Variants in PSMA7 observed in about 807,000 individuals in gnomAD.
PSMA7 encodes proteasome 20S subunit alpha 7.
Under a neutral mutation model 31.3 loss-of-function variants are expected in PSMA7, and 5 were observed. The ratio of observed to expected loss-of-function variants is 0.16; its 90% confidence interval spans 0.08 to 0.34. The LOEUF (loss-of-function observed/expected upper bound fraction) is 0.34. PSMA7 is among the 10% of genes least tolerant of loss of function. PSMA7 has a pLI of 1.00. For missense variants in PSMA7, 217 were observed against 327.5 expected, an observed-to-expected ratio of 0.66 and a Z score of 2.60; for synonymous variants, 155 against 121.9, an observed-to-expected ratio of 1.27 and a Z score of -1.79.
At chr20:62,139,260 G>A (rs1047838729) in intron 3 of PSMA7, 63 bp from the exon 4 acceptor site, 40 of 1,572,092 alleles carry the variant, frequency 2.5e-5, no homozygotes, top group Admixed American at 3.6e-5. Flanking sequence ...GGAAAGAACC[G>A]TACTTAGTGA....
At chr20:62,137,515 C>G (rs2056902773) in intron 5 of PSMA7, 89 bp from the exon 6 acceptor site, 3 of 1,232,960 alleles carry the variant, frequency 2.4e-6, no homozygotes, top group Non-Finnish European at 3.6e-6. Flanking sequence ...AGGTGTGTAC[C>G]CAAACCCAGC....
chr20:62,138,933 A>G lies in PSMA7; in HGVS notation c.471+142T>C, dbSNP rs2056911031. 4 of 1,128,148 alleles carry G rather than the reference A, an allele frequency of 3.5e-6. No homozygotes were observed. In the South Asian group the frequency reaches 6.4e-5, roughly 18 times the overall value. 69.9% of individuals were successfully genotyped at this position (1,128,148 alleles called of 1,614,324 possible). ...TTCTTCCAAACAGCAATGTTTAATC[A>G]TTTTCTTGCTCTCATAGGACTAGGT... On this transcript the variant is annotated intron_variant, in intron 4 of 6. Transcript: ENST00000370873.
chr20:62,143,058 C>G (rs1265579281), intron 1 of PSMA7, 150 bp downstream of exon 1: 4 of 247,384 alleles, frequency 1.6e-5, no homozygotes, highest in Non-Finnish European at 2.6e-5. Flanking sequence ...CAGCGGGGCC[C>G]GCGCTCAGCT....
At chr20:62,141,289 T>C (rs559648956) in intron 1 of PSMA7, among the ~76,000 whole-genome samples, 4 of 152,144 alleles carry the variant, frequency 2.6e-5, no homozygotes, top group Non-Finnish European at 5.9e-5. Context: ...AAGTGATACA[T>C]GGTTCTACTG....
intron 2 of PSMA7, 23 bp downstream of exon 2, chr20:62,140,795 C>T (rs1475862663): frequency 2.5e-6 from 4 of 1,613,322 alleles, no homozygotes; most frequent in African/African-American, 1.3e-5. Flanking sequence ...GAGAGTAAGA[C>T]AGCGCTCCCC....
chr20:62,142,299 C>A (rs1362635393), intron 1 of PSMA7, among the ~76,000 whole-genome samples: 1 of 152,122 alleles, frequency 6.6e-6, no homozygotes, highest in South Asian at 2.1e-4. Context: ...TCAGCCGACT[C>A]CTAGTCCTCT....
In PSMA7 at chr20:62,139,678, A is replaced by G. The variant is rs753554521; in HGVS notation, c.348+103T>C. ...AGATTAGGATCACGCCCCAGAATAAATCAGTTTTCTGATTCACCTGAAGTG... is the reference window on the plus strand; with the variant it reads ...AGATTAGGATCACGCCCCAGAATAAGTCAGTTTTCTGATTCACCTGAAGTG... On this transcript the variant is annotated intron_variant, in intron 3 of 6. Transcript: ENST00000370873. 7 of 1,579,388 alleles carry G rather than the reference A, an allele frequency of 4.4e-6. No individual in the cohort carries two copies. In the Admixed American group the frequency reaches 1.2e-4, roughly 26 times the overall value.
At chr20:62,141,532 T>C (rs182543784) in intron 1 of PSMA7, among the ~76,000 whole-genome samples, 111 of 152,360 alleles carry the variant, frequency 7.3e-4, no homozygotes, top group African/African-American at 2.5e-3. Context: ...TACTGAGATG[T>C]AGTTTTAGTT....
intron 1 of PSMA7, 90 bp downstream of exon 1, chr20:62,143,090 GCTGCCCCGCGCACGCCCGCGGGCGCCCA>G: frequency 2.1e-6 from 1 of 468,618 alleles, no homozygotes. Context: ...CGCCCGCGCC[GCTGCCCCGCGCACGCCCGCGGGCGCCCA>G]CAGCGCCGCG....
At chr20:62,137,013 C>T in intron 6 of PSMA7, 64 bp from the exon 7 acceptor site, 3 of 1,570,800 alleles carry the variant, frequency 1.9e-6, no homozygotes, top group South Asian at 1.2e-5. Context: ...GCGCCCTCTT[C>T]TGGGGAGGGC....
At chr20:62,137,464 C>A in intron 5 of PSMA7, 38 bp from the exon 6 acceptor site, 1 of 1,599,974 alleles carries the variant, frequency 6.3e-7, no homozygotes, top group Non-Finnish European at 8.6e-7. Flanking sequence ...AACCACCTTT[C>A]CCTATTCAAG....
intron 6 of PSMA7, 148 bp from the exon 7 acceptor site, chr20:62,137,097 C>G (rs1266970141): frequency 8.7e-7 from 1 of 1,149,280 alleles, no homozygotes; most frequent in Non-Finnish European, 1.2e-6. Flanking sequence ...GGATGCTGGC[C>G]TGACCTAGAC....
intron 1 of PSMA7, 73 bp downstream of exon 1, chr20:62,143,135 C>A: frequency 9.8e-7 from 1 of 1,023,284 alleles, no homozygotes; most frequent in Non-Finnish European, 1.2e-6. Context: ...CGCGCCCGGC[C>A]CCGGCCCTCT....
chr20:62,143,132 G>T, intron 1 of PSMA7, 76 bp downstream of exon 1: 2 of 961,846 alleles, frequency 2.1e-6, no homozygotes, highest in Non-Finnish European at 1.3e-6. Context: ...CGCCGCGCCC[G>T]GCCCCGGCCC....
chr20:62,140,964 A>G lies in PSMA7; in HGVS notation c.97-20T>C. The stretch of plus-strand genomic sequence containing the variant: ...ACCAACCTTTAATTAAGATCCACAA[A>G]CCACGTAAGAAAGTGATATGAGTGC... On this transcript the variant is annotated intron_variant, in intron 1 of 6. Transcript: ENST00000370873. 2 of 1,613,482 alleles carry G rather than the reference A, an allele frequency of 1.2e-6. No homozygotes were observed. The highest frequency in any genetic ancestry group is 8.5e-7 in the Non-Finnish European group (1 of 1,179,906).
chr20:62,140,048 A>G, intron 2 of PSMA7, 143 bp from the exon 3 acceptor site: 2 of 1,166,186 alleles, frequency 1.7e-6, no homozygotes, highest in African/African-American at 1.5e-5. Context: ...AGCGGAACCT[A>G]TCAGCCCCTG....
rs1008999912 is a variant in PSMA7 at position 62,137,502 on chromosome 20, A to G, written c.592-76T>C. On this transcript the variant is annotated intron_variant, in intron 5 of 6. Coordinates refer to ENST00000370873, the MANE Select transcript of PSMA7 (RefSeq NM_002792.4). ...AAAAGCAGCTCTCAGGAGTACCTTAAATAGGTGTGTACCCAAACCCAGCAC... is the reference window on the plus strand; with the variant it reads ...AAAAGCAGCTCTCAGGAGTACCTTAGATAGGTGTGTACCCAAACCCAGCAC... 4.3e-6 allele frequency: 6 copies of G among 1,391,844 alleles called. No homozygotes were observed. The African/African-American group carries it at 8.5e-5, about 20-fold the overall frequency. 86.2% of individuals were successfully genotyped at this position (1,391,844 alleles called of 1,614,324 possible).
At chr20:62,138,368 A>C in intron 4 of PSMA7, 78 bp from the exon 5 acceptor site, 1 of 1,506,222 alleles carries the variant, frequency 6.6e-7, no homozygotes. Context: ...GCTGCCCTAC[A>C]TGGGCCGCCC....
Position 62,138,256 on chromosome 20 carries a change from C to T in PSMA7, c.506G>A (p.Arg169His), listed in dbSNP as rs1344171963. 10 of 1,613,128 alleles carry T rather than the reference C, an allele frequency of 6.2e-6. No homozygotes were observed. Among genetic ancestry groups the T allele is most frequent in the East Asian group, 2.2e-5 (1 of 44,872 alleles). Residue 169 changes from arginine (R) to histidine (H), a missense_variant, in exon 5 of 7, where the codon CGC (arginine) becomes CAC (histidine). Physicochemically the swap from Arg to His is conservative, Grantham distance 29. This residue lies in a region of PSMA7 where 88 missense variants were observed against 111.6 expected (regional missense o/e 0.79). Coordinates refer to ENST00000370873, the MANE Select transcript of PSMA7 (RefSeq NM_002792.4). ...AGTATAGTTCTTCTCCAGGAACTCG[C>T]GCACTGACTTGGCACCCCGACCTAT... is the stretch of plus-strand genomic sequence containing the variant. Reference protein sequence around the residue: ...NAIGRGAKSVREFLEKNYTDE... With the variant: ...NAIGRGAKSVHEFLEKNYTDE...
Sources: allele counts gnomAD v4.1 joint callset (sites outside exome capture counted in the v4.1 genomes callset), GRCh38; gene constraint gnomAD v4.1.1; regional missense constraint gnomAD v4.1.1; transcripts MANE v1.5; gene names NCBI Gene and HGNC (gene_info 2026-07-23, HGNC 2026-07-21).